Variants in DST observed in about 807,000 individuals in gnomAD.
DST encodes bullous pemphigoid antigen.
A neutral mutation model predicts 875.2 loss-of-function variants in DST; 253 were observed. The observed-to-expected ratio is 0.29, with a 90% confidence interval of 0.26 to 0.32. The LOEUF is 0.32. Ranked by LOEUF, DST falls within the 10% of genes least tolerant of loss-of-function variation. DST has a pLI of 1.00. For synonymous variants in DST, 3,124 were observed against 3,197.1 expected, an observed-to-expected ratio of 0.98 and a Z score of 0.77; for missense variants, 8,287 against 9,111.6, an observed-to-expected ratio of 0.91 and a Z score of 3.68.
intron 80 of DST, 110 bp from the exon 81 acceptor site, chr6:56,498,163 A>C (rs981414311): frequency 9.2e-7 from 1 of 1,085,096 alleles, no homozygotes; most frequent in Non-Finnish European, 1.3e-6. Flanking sequence ...CAAAAACGTT[A>C]TATGTGTAGA....
chr6:56,641,080 A>G (rs746620610), intron 17 of DST, among the ~76,000 whole-genome samples: 4 of 151,740 alleles, frequency 2.6e-5, no homozygotes, highest in Non-Finnish European at 4.4e-5. Flanking sequence ...GAGTCAAAGG[A>G]TCATTTAAAA....
intron 4 of DST, among the ~76,000 whole-genome samples, chr6:56,844,701 C>T (rs1393922558): frequency 3.3e-5 from 5 of 151,936 alleles, no homozygotes; most frequent in South Asian, 2.1e-4. Context: ...GGTGAAATCC[C>T]GTCTCTACTA....
chr6:56,595,156 C>T (rs773167358), intron 47 of DST, among the ~76,000 whole-genome samples: 6 of 152,148 alleles, frequency 3.9e-5, no homozygotes, highest in Non-Finnish European at 8.8e-5. Flanking sequence ...CCAAATGACC[C>T]GCTCCCATTA....
Position 56,631,192 on chromosome 6 carries a change from TGA to T in DST, c.4142+17_4142+18del. The T allele has an allele frequency of 6.9e-7, 1 of 1,458,970 alleles. No individual in the cohort carries two copies. The highest frequency in any genetic ancestry group is 9.4e-7 in the Non-Finnish European group (1 of 1,064,658). 90.4% of individuals were successfully genotyped at this position (1,458,970 alleles called of 1,614,324 possible). ...GAGTTGTATGAAGCAATTTATATAT[TGA>T]GATAGCAGTTACATACTTATCTATG... On this transcript the variant is annotated intron_variant, in intron 30 of 103. Transcript: ENST00000680361.
chr6:56,938,925 C>T (rs1814762905), intron 2 of DST, among the ~76,000 whole-genome samples: 2 of 152,238 alleles, frequency 1.3e-5, no homozygotes, highest in South Asian at 4.1e-4. Flanking sequence ...AGACCAAGTG[C>T]CCAACTGGGC....
intron 4 of DST, among the ~76,000 whole-genome samples, chr6:56,841,669 T>C (rs2099800182): frequency 6.6e-6 from 1 of 152,234 alleles, no homozygotes; most frequent in African/African-American, 2.4e-5. Flanking sequence ...TTTAGAACTT[T>C]CAGATTTTTT....
rs1186571115 is a variant in DST, at chr6:56,506,560, T to G, written c.19363-16A>C. 2 of 1,610,308 alleles carry G rather than the reference T, an allele frequency of 1.2e-6. No homozygotes were observed. The highest frequency in any genetic ancestry group is 1.7e-5 in the Admixed American group (1 of 59,582). On this transcript the variant is annotated splice_polypyrimidine_tract_variant and intron_variant, in intron 76 of 103. Transcript: ENST00000680361. ...CTGAATTTAACTACAAGATGTATGT[T>G]AGAATTCTTTTAGTGCCATATTTTA...
chr6:56,851,653 T>A lies in DST; in HGVS notation c.418-49A>T, dbSNP rs776508625. ...GCATTAACAGCAAAATACTCACATA[T>A]GCTCAATGATTTAAACATCTCCCCC... is the stretch of plus-strand genomic sequence containing the variant. On this transcript the variant is annotated intron_variant, in intron 3 of 103. Transcript: ENST00000680361. 53 of 1,586,564 alleles carry A rather than the reference T, an allele frequency of 3.3e-5. 2 individuals are homozygous for A. The South Asian group carries it at 6.0e-4, about 18-fold the overall frequency.
At chr6:56,877,320 G>A (rs1236671438) in intron 3 of DST, among the ~76,000 whole-genome samples, 14 of 152,152 alleles carry the variant, frequency 9.2e-5, no homozygotes, top group South Asian at 2.1e-4. Context: ...TGTGGGGGCC[G>A]AGGTGGGCAG....
intron 3 of DST, among the ~76,000 whole-genome samples, chr6:56,860,537 A>T (rs1411116206): frequency 6.6e-6 from 1 of 152,192 alleles, no homozygotes; most frequent in Non-Finnish European, 1.5e-5. Context: ...TGTATGACTC[A>T]TGTAAATGCT....
chr6:56,755,338 A>G (rs1047956039), intron 4 of DST, among the ~76,000 whole-genome samples: 11 of 152,196 alleles, frequency 7.2e-5, no homozygotes, highest in African/African-American at 2.7e-4. Flanking sequence ...ATTTAAGAAG[A>G]CAATTGTAGG....
Position 56,529,598 on chromosome 6 carries a change from G to T in DST, c.17445C>A (p.Leu5815=). 6.2e-7 allele frequency: 1 copy of T among 1,613,750 alleles called. No homozygotes were observed. Among genetic ancestry groups the T allele is most frequent in the East Asian group, 2.2e-5 (1 of 44,858 alleles). ...IQEKSHSRSE[L]LQQALCNAKI... is the part of the protein sequence containing the mutation. The stretch of plus-strand genomic sequence containing the variant: ...TAGCATTACATAAGGCCTGCTGGAG[G>T]AGCTCAGACCTGCTGTGACTTTTCT... The change falls in exon 66 of 104, where the codon CTC becomes CTA. Residue 5815 remains leucine (L), a synonymous_variant. Transcript: ENST00000680361.
At chr6:56,564,537 C>T (rs2097616099) in intron 55 of DST, among the ~76,000 whole-genome samples, 1 of 152,160 alleles carries the variant, frequency 6.6e-6, no homozygotes, top group South Asian at 2.1e-4. Context: ...ATTTGACTTC[C>T]TCTCTTCCTG....
chr6:56,479,324 T>TG (rs1296605914), intron 90 of DST, among the ~76,000 whole-genome samples: 1 of 152,190 alleles, frequency 6.6e-6, no homozygotes, highest in Non-Finnish European at 1.5e-5. Context: ...ACACTGTTGG[T>TG]GGGAATATAA....
intron 4 of DST, among the ~76,000 whole-genome samples, chr6:56,751,485 T>A (rs1447859112): frequency 1.3e-5 from 2 of 152,220 alleles, no homozygotes; most frequent in Non-Finnish European, 2.9e-5. Context: ...ATTCTTGTGA[T>A]ATTTTGGTTT....
intron 4 of DST, among the ~76,000 whole-genome samples, chr6:56,807,053 C>CA (rs34690161): frequency 0.17 from 25,206 of 152,004 alleles, 2,304 homozygotes; most frequent in Non-Finnish European, 0.19. Context: ...AATTTCTCCC[C>CA]ACTGACCTTT....
At chr6:56,620,395 TTC>T (rs933255242) in intron 36 of DST, 10 of 1,614,066 alleles carry the variant, frequency 6.2e-6, no homozygotes, top group South Asian at 1.1e-5. Flanking sequence ...CCCGCTCCAG[TTC>T]TCTTTCAGCG....
intron 3 of DST, among the ~76,000 whole-genome samples, chr6:56,870,699 G>A (rs1342754925): frequency 6.6e-6 from 1 of 151,956 alleles, no homozygotes; most frequent in African/African-American, 2.4e-5. Context: ...GGAGGTAGAG[G>A]TTGCAGTGAG....
chr6:56,776,645 A>C (rs942566125), intron 4 of DST, among the ~76,000 whole-genome samples: 1 of 152,182 alleles, frequency 6.6e-6, no homozygotes, highest in African/African-American at 2.4e-5. Flanking sequence ...AAGTTTATTA[A>C]AATTTTTTTT....
Sources: allele counts gnomAD v4.1 joint callset (sites outside exome capture counted in the v4.1 genomes callset), GRCh38; gene constraint gnomAD v4.1.1; transcripts MANE v1.5; gene names NCBI Gene and HGNC (gene_info 2026-07-23, HGNC 2026-07-21).